TIMP2: variants seen among roughly 807,000 people sequenced by gnomAD.
TIMP2 encodes TIMP metallopeptidase inhibitor 2.
A neutral mutation model predicts 24.3 loss-of-function variants in TIMP2; 5 were observed. The ratio of observed to expected loss-of-function variants is 0.21; its 90% CI spans 0.11 to 0.43. The LOEUF (loss-of-function observed/expected upper bound fraction) is 0.43, where lower values mean the gene tolerates loss of function less well. Ranked by LOEUF, TIMP2 falls within the 20% of genes least tolerant of loss-of-function variation. The probability of loss-of-function intolerance (pLI) is 1.00; values close to 1 mark genes in which losing one functional copy is unlikely to be tolerated. For missense variants in TIMP2, 221 were observed against 297.5 expected, an observed-to-expected ratio of 0.74 and a Z score of 1.89; for synonymous variants, 130 against 123.2, an observed-to-expected ratio of 1.06 and a Z score of -0.37.
intron 1 of TIMP2, among the ~76,000 whole-genome samples, chr17:78,884,618 C>T (rs1209676029): frequency 3.3e-5 from 5 of 151,946 alleles, no homozygotes; most frequent in Admixed American, 2.6e-4. Flanking sequence ...CTGAGCGGCG[C>T]CCCCAGACTC....
intron 1 of TIMP2, among the ~76,000 whole-genome samples, chr17:78,905,736 G>A (rs1378464506): frequency 2.0e-5 from 3 of 152,330 alleles, no homozygotes; most frequent in Admixed American, 6.5e-5. Context: ...GGATTAATCC[G>A]CCCTGCTAAA....
At chr17:78,893,476 GGT>G (rs1414422019) in intron 1 of TIMP2, among the ~76,000 whole-genome samples, 1 of 143,394 alleles carries the variant, frequency 7.0e-6, no homozygotes, top group Non-Finnish European at 1.5e-5. Context: ...TGTGCATAGC[GGT>G]GTGTGTGCAG....
intron 1 of TIMP2, among the ~76,000 whole-genome samples, chr17:78,923,403 G>T (rs1208013983): frequency 7.4e-6 from 1 of 135,768 alleles, no homozygotes; most frequent in Non-Finnish European, 1.6e-5. Flanking sequence ...GGGTGGGGGG[G>T]GGGGCGGGAG....
chr17:78,916,073 G>A (rs934113536), intron 1 of TIMP2, among the ~76,000 whole-genome samples: 1 of 152,198 alleles, frequency 6.6e-6, no homozygotes, highest in Non-Finnish European at 1.5e-5. Context: ...CTCCCTCAGG[G>A]CGGGGTGGGG....
At chr17:78,887,678 C>A (rs937035316) in intron 1 of TIMP2, among the ~76,000 whole-genome samples, 1 of 151,584 alleles carries the variant, frequency 6.6e-6, no homozygotes, top group Non-Finnish European at 1.5e-5. Flanking sequence ...AGCAAACGCG[C>A]CCAGCCTCAT....
chr17:78,890,469 G>T, intron 1 of TIMP2: 1 of 754,112 alleles, frequency 1.3e-6, no homozygotes, highest in Non-Finnish European at 2.0e-6. Flanking sequence ...GCCTCCCAAA[G>T]TGCTGGGATT....
rs1471216227 is a variant in TIMP2, at chr17:78,925,312, C to A, written c.-224G>T. On this transcript the variant is annotated 5_prime_UTR_variant, in exon 1 of 5. Coordinates refer to ENST00000262768, the MANE Select transcript of TIMP2 (RefSeq NM_003255.5). ...GCGGGGCGCAATTCGCCGGGCGGGGCGGCGGGGTGGGGGGCGGCGGGCGAG... is the reference window on the plus strand; with the variant it reads ...GCGGGGCGCAATTCGCCGGGCGGGGAGGCGGGGTGGGGGGCGGCGGGCGAG... 2.8e-5 allele frequency: 1 copy of A among 35,206 alleles called. No homozygotes were observed. Among genetic ancestry groups the A allele is most frequent in the Non-Finnish European group, 5.9e-5 (1 of 17,078 alleles). The allele number at this position is 35,206 out of a possible 1,614,324, so 2.2% of individuals were successfully genotyped here.
intron 3 of TIMP2, among the ~76,000 whole-genome samples, chr17:78,858,361 T>C (rs981171184): frequency 2.0e-5 from 3 of 151,728 alleles, no homozygotes; most frequent in Non-Finnish European, 4.4e-5. Flanking sequence ...GAGAATGGCG[T>C]GAACCCGGGA....
At chr17:78,876,026 C>G (rs539537459) in intron 1 of TIMP2, among the ~76,000 whole-genome samples, 1 of 152,340 alleles carries the variant, frequency 6.6e-6, no homozygotes, top group East Asian at 1.9e-4. Flanking sequence ...AAAGCCACAT[C>G]TAGGAAATGT....
chr17:78,919,812 A>C (rs140553536), intron 1 of TIMP2, among the ~76,000 whole-genome samples: 3 of 151,832 alleles, frequency 2.0e-5, no homozygotes, highest in South Asian at 4.1e-4. Context: ...TCCAGCCTGG[A>C]GACAGAGTGA....
rs374560424 is a variant in TIMP2, at chr17:78,881,986, TAG to T, written c.131-8069_131-8068del. On this transcript the variant is annotated intron_variant, in intron 1 of 4. Transcript: ENST00000262768. ...TCCATATCCTCTTTTTTTTTTGAGA[TAG>T]AGTTTCGCTCTTGTCGCCCAGGCTG... Among the ~76,000 whole-genome samples, 545 of 152,084 alleles carry T rather than the reference TAG, an allele frequency of 3.6e-3. 2 individuals carry two copies. Among genetic ancestry groups the T allele is most frequent in the African/African-American group, 0.012 (513 of 41,470 alleles).
At chr17:78,868,662 G>A (rs1433992170) in intron 3 of TIMP2, among the ~76,000 whole-genome samples, 7 of 152,054 alleles carry the variant, frequency 4.6e-5, no homozygotes, top group Non-Finnish European at 7.4e-5. Flanking sequence ...TGCGGCTGCC[G>A]GCCACATGTG....
chr17:78,891,965 C>A lies in TIMP2; in HGVS notation c.131-18046G>T. The A allele has an allele frequency of 6.4e-7, 1 of 1,550,608 alleles. No individual in the cohort carries two copies. The highest frequency in any genetic ancestry group is 8.7e-7 in the Non-Finnish European group (1 of 1,147,008). The stretch of plus-strand genomic sequence containing the variant: ...GTGTTGCTGGCCCAACTCTTCCCTG[C>A]AACTCCTCTCTTCACTAAGGGCTGC... On this transcript the variant is annotated intron_variant, in intron 1 of 4. Coordinates refer to ENST00000262768, the MANE Select transcript of TIMP2 (RefSeq NM_003255.5). This position sits in a 1 kb window ranked among gnomAD's most constrained non-coding sequence, Gnocchi z 4.5.
intron 1 of TIMP2, among the ~76,000 whole-genome samples, chr17:78,919,640 C>T (rs1374917905): frequency 6.6e-6 from 1 of 152,104 alleles, no homozygotes; most frequent in Non-Finnish European, 1.5e-5. Flanking sequence ...CGAGACCATC[C>T]CGGCTAACAC....
chr17:78,917,025 A>G (rs2070264775), intron 1 of TIMP2, among the ~76,000 whole-genome samples: 1 of 152,088 alleles, frequency 6.6e-6, no homozygotes, highest in South Asian at 2.1e-4. Flanking sequence ...TTCCTTGAAG[A>G]TGGGCACCAT....
intron 1 of TIMP2, among the ~76,000 whole-genome samples, chr17:78,884,313 T>C (rs1033247240): frequency 6.6e-6 from 1 of 152,216 alleles, no homozygotes; most frequent in South Asian, 2.1e-4. Context: ...GGCAGGGCAC[T>C]GTTCCTCCCA....
rs1274791019 is a variant in TIMP2, at chr17:78,863,434, G to T, written c.341-5788C>A. On this transcript the variant is annotated intron_variant, in intron 3 of 4. Coordinates refer to ENST00000262768, the MANE Select transcript of TIMP2 (RefSeq NM_003255.5). ...ATTTTTTGTATTTTTAGTAGAGACG[G>T]GATTTCACTGTGTTAGCCAGGATGG... Among the ~76,000 whole-genome samples the T allele has an allele frequency of 5.3e-5, 8 of 152,230 alleles. No individual in the cohort carries two copies. In the East Asian group the frequency reaches 1.5e-3, roughly 29 times the overall value.
intron 1 of TIMP2, among the ~76,000 whole-genome samples, chr17:78,880,257 G>A (rs539817948): frequency 3.9e-4 from 60 of 152,248 alleles, no homozygotes; most frequent in African/African-American, 1.2e-3. Flanking sequence ...TGGGTCCTGC[G>A]TCCTCACGTC....
At chr17:78,873,384 T>G (rs1055121220) in intron 2 of TIMP2, among the ~76,000 whole-genome samples, 1 of 145,492 alleles carries the variant, frequency 6.9e-6, no homozygotes, top group Non-Finnish European at 1.5e-5. Context: ...CACTGCAACC[T>G]CTGCCTCCTG....
Sources: allele counts gnomAD v4.1 joint callset (sites outside exome capture counted in the v4.1 genomes callset), GRCh38; gene constraint gnomAD v4.1.1; non-coding constraint Gnocchi (gnomAD v3.1); transcripts MANE v1.5; gene names NCBI Gene and HGNC (gene_info 2026-07-23, HGNC 2026-07-21).